Variants in MEMO1 observed in about 807,000 individuals in gnomAD.
The protein encoded by MEMO1 is protein MEMO1.
In MEMO1, 6 loss-of-function variants were observed where a neutral mutation model predicts 45.2. That is an observed-to-expected ratio of 0.13 (90% CI 0.07 to 0.26). The LOEUF is 0.26. MEMO1 is among the 10% of genes least tolerant of loss of function. MEMO1 has a pLI of 1.00. For synonymous variants in MEMO1, 78 were observed against 124.3 expected (o/e 0.63, Z 2.48); for missense variants, 184 against 370.5 (o/e 0.50, Z 4.13).
intron 6 of MEMO1, among the ~76,000 whole-genome samples, chr2:31,899,639 C>G (rs973785924): frequency 6.6e-6 from 1 of 152,176 alleles, no homozygotes; most frequent in East Asian, 1.9e-4. Flanking sequence ...GTCTTCATGA[C>G]TAAAACACCA....
intron 2 of MEMO1, among the ~76,000 whole-genome samples, chr2:31,970,288 G>A (rs886293161): frequency 2.0e-5 from 3 of 152,028 alleles, no homozygotes; most frequent in Admixed American, 6.6e-5. Flanking sequence ...GTAATTTTCA[G>A]TAGCCCTCTC....
chr2:31,995,318 G>A (rs1327384644), intron 2 of MEMO1, among the ~76,000 whole-genome samples: 1 of 152,024 alleles, frequency 6.6e-6, no homozygotes, highest in African/African-American at 2.4e-5. Context: ...CGGGTGAGGT[G>A]GTGGGCACCT....
chr2:31,876,047 C>A (rs1488111627), intron 8 of MEMO1, among the ~76,000 whole-genome samples: 1 of 152,120 alleles, frequency 6.6e-6, no homozygotes, highest in Admixed American at 6.5e-5. Context: ...ACCACAGTGA[C>A]CTTAAAAATA....
At chr2:31,899,654 C>T (rs1678471321) in intron 6 of MEMO1, among the ~76,000 whole-genome samples, 1 of 152,188 alleles carries the variant, frequency 6.6e-6, no homozygotes. Flanking sequence ...ACACCAAAAG[C>T]AATAGCAATA....
chr2:31,975,503 C>T (rs1416350093), intron 2 of MEMO1, among the ~76,000 whole-genome samples: 1 of 152,104 alleles, frequency 6.6e-6, no homozygotes, highest in Non-Finnish European at 1.5e-5. Flanking sequence ...GGAGGTGCCA[C>T]CCAGATCTCA....
intron 3 of MEMO1, among the ~76,000 whole-genome samples, chr2:31,942,619 G>A (rs1665745939): frequency 2.0e-5 from 3 of 151,696 alleles, no homozygotes; most frequent in South Asian, 4.2e-4. Flanking sequence ...GACCCCCGAC[G>A]TCAGAACCCC....
At chr2:31,942,151 A>G (rs1665688885) in intron 3 of MEMO1, among the ~76,000 whole-genome samples, 1 of 152,208 alleles carries the variant, frequency 6.6e-6, no homozygotes, top group Non-Finnish European at 1.5e-5. Context: ...ACAGACACAC[A>G]TCATTAACTG....
chr2:31,907,786 AACAC>A (rs3065385), intron 6 of MEMO1, among the ~76,000 whole-genome samples: 14,519 of 145,330 alleles, frequency 0.1, 748 homozygotes, highest in Middle Eastern at 0.22. Flanking sequence ...CCGTGTCTTA[AACAC>A]ACACACACAC....
At chr2:31,973,168 A>G (rs767964598) in intron 2 of MEMO1, among the ~76,000 whole-genome samples, 2 of 152,124 alleles carry the variant, frequency 1.3e-5, no homozygotes, top group Non-Finnish European at 1.5e-5. Context: ...AAGAATTAAA[A>G]ACAGGCTGGG....
rs1269507043 is a variant in MEMO1, at chr2:31,923,825, T to C, written c.213-2915A>G. Reference sequence around the variant, plus strand: ...AATTTCCTAAGTAAGTGTAATAAGGTTCTAACAATAGCCAAAAGATACACT... The same window carrying C: ...AATTTCCTAAGTAAGTGTAATAAGGCTCTAACAATAGCCAAAAGATACACT... On this transcript the variant is annotated intron_variant, in intron 4 of 9. Coordinates refer to ENST00000404530, the MANE Select transcript of MEMO1 (RefSeq NM_001301833.4). The C allele has an allele frequency of 1.5e-5, 21 of 1,383,738 alleles. No individual in the cohort carries two copies. The Admixed American group carries it at 6.2e-4, about 41-fold the overall frequency. The allele number at this position is 1,383,738 out of a possible 1,614,324, so 85.7% of individuals were successfully genotyped here.
intron 2 of MEMO1, among the ~76,000 whole-genome samples, chr2:31,978,310 C>T (rs1670243306): frequency 6.6e-6 from 1 of 152,042 alleles, no homozygotes; most frequent in Admixed American, 6.6e-5. Flanking sequence ...TCACTTGAAC[C>T]CAGGAGGAGG....
At chr2:31,933,348 A>AAAAAAAATAT (rs1558514269) in intron 3 of MEMO1, among the ~76,000 whole-genome samples, 1 of 16,186 alleles carries the variant, frequency 6.2e-5, no homozygotes, top group African/African-American at 2.4e-4. Context: ...AAAAAAAAAA[A>AAAAAAAATAT]ATTTATATAT....
chr2:31,972,547 C>T (rs538872152), intron 2 of MEMO1, among the ~76,000 whole-genome samples: 1 of 152,024 alleles, frequency 6.6e-6, no homozygotes, highest in Non-Finnish European at 1.5e-5. Flanking sequence ...CCCTTCTCTA[C>T]TAAAAATACC....
intron 2 of MEMO1, among the ~76,000 whole-genome samples, chr2:31,985,029 A>T (rs1671102552): frequency 6.6e-6 from 1 of 152,212 alleles, no homozygotes; most frequent in Non-Finnish European, 1.5e-5. Flanking sequence ...GTAAATCTAA[A>T]ATCTTTCCAA....
chr2:31,910,663 C>T (rs1448794937), intron 6 of MEMO1, among the ~76,000 whole-genome samples: 2 of 152,064 alleles, frequency 1.3e-5, no homozygotes, highest in East Asian at 3.9e-4. Context: ...AGTTCAAGAC[C>T]AGCCTGGGCA....
At chr2:31,874,131 G>A (rs781574354) in intron 8 of MEMO1, among the ~76,000 whole-genome samples, 5 of 152,038 alleles carry the variant, frequency 3.3e-5, no homozygotes, top group Non-Finnish European at 7.4e-5. Flanking sequence ...TATCCTTGCC[G>A]AATCATAATT....
chr2:31,893,400 T>C, intron 6 of MEMO1: 1 of 1,061,118 alleles, frequency 9.4e-7, no homozygotes, highest in Non-Finnish European at 1.2e-6. Context: ...ACCAGTTTGC[T>C]AAATAACTCC....
chr2:31,970,429 T>C (rs1288881279), intron 2 of MEMO1, among the ~76,000 whole-genome samples: 1 of 152,184 alleles, frequency 6.6e-6, no homozygotes, highest in African/African-American at 2.4e-5. Flanking sequence ...CAGCCTCGTT[T>C]TTATTTTAGC....
At chr2:31,982,742 G>A (rs1396625753) in intron 2 of MEMO1, among the ~76,000 whole-genome samples, 1 of 151,914 alleles carries the variant, frequency 6.6e-6, no homozygotes, top group Non-Finnish European at 1.5e-5. Context: ...GTTTCAAACA[G>A]AGGTATAGGT....
Sources: gnomAD v4.1 joint callset for allele counts (sites outside exome capture counted in the v4.1 genomes callset) on GRCh38, gnomAD v4.1.1 for gene constraint, MANE v1.5 for transcripts, NCBI Gene and HGNC (gene_info 2026-07-23, HGNC 2026-07-21) for gene names.